The following CXCL13 variants were observed in gnomAD, a reference collection of about 807,000 sequenced individuals.
CXCL13 encodes C-X-C motif chemokine ligand 13.
A neutral mutation model predicts 12.2 loss-of-function variants in CXCL13; 7 were observed. That is an observed-to-expected ratio of 0.57 (90% CI 0.33 to 1.07). The LOEUF (loss-of-function observed/expected upper bound fraction) is 1.07, where lower values mean the gene tolerates loss of function less well. CXCL13 is among the 50% of genes least tolerant of loss of function. The pLI, the probability that CXCL13 is intolerant of heterozygous loss-of-function variation, is 0.04. For synonymous variants in CXCL13, 47 were observed against 42.4 expected (o/e 1.11, Z -0.42); for missense variants, 113 against 127.4 (o/e 0.89, Z 0.55).
chr4:77,589,034 C>T (rs977989236), intron 1 of CXCL13, among the ~76,000 whole-genome samples: 2 of 152,192 alleles, frequency 1.3e-5, no homozygotes, highest in African/African-American at 4.8e-5. Context: ...GCTTATAGAA[C>T]ATATACCTTT....
intron 1 of CXCL13, among the ~76,000 whole-genome samples, chr4:77,534,071 G>A (rs2109796663): frequency 6.6e-6 from 1 of 152,326 alleles, no homozygotes; most frequent in South Asian, 2.1e-4. Flanking sequence ...TCCCCAGTGA[G>A]ATGAACCTGG....
intron 1 of CXCL13, among the ~76,000 whole-genome samples, chr4:77,594,885 G>A (rs754986107): frequency 3.9e-5 from 6 of 151,970 alleles, no homozygotes; most frequent in Non-Finnish European, 7.4e-5. Flanking sequence ...AAACTTGCAC[G>A]TCCTGCACAT....
chr4:77,586,518 G>A (rs1364978109), intron 1 of CXCL13, among the ~76,000 whole-genome samples: 3 of 152,102 alleles, frequency 2.0e-5, no homozygotes, highest in African/African-American at 4.8e-5. Flanking sequence ...AGTATGCATC[G>A]ATGATTTAGA....
At chr4:77,527,209 T>C (rs1479633796) in intron 1 of CXCL13, among the ~76,000 whole-genome samples, 1 of 152,150 alleles carries the variant, frequency 6.6e-6, no homozygotes, top group East Asian at 1.9e-4. Flanking sequence ...TGTACACCGA[T>C]TGGAACAGCT....
intron 1 of CXCL13, among the ~76,000 whole-genome samples, chr4:77,590,310 T>A (rs1469203146): frequency 6.6e-6 from 1 of 152,158 alleles, no homozygotes; most frequent in Non-Finnish European, 1.5e-5. Context: ...GTCTTTCTCT[T>A]CCCAGCAGCG....
chr4:77,519,066 C>A (rs1724504511), intron 1 of CXCL13, among the ~76,000 whole-genome samples: 1 of 152,186 alleles, frequency 6.6e-6, no homozygotes, highest in African/African-American at 2.4e-5. Flanking sequence ...ACTCCAGATC[C>A]TGTTTGCCTG....
chr4:77,552,502 A>G (rs987853808), intron 1 of CXCL13, among the ~76,000 whole-genome samples: 5 of 152,222 alleles, frequency 3.3e-5, no homozygotes, highest in Admixed American at 2.6e-4. Flanking sequence ...TACTGAGAGA[A>G]GCTCTCTGTT....
rs768602347 is a variant in CXCL13 at position 77,594,860 on chromosome 4, GT to G, written c.-42-10961del. On this transcript the variant is annotated intron_variant, in intron 1 of 4. Coordinates refer to the CXCL13 transcript ENST00000286758. ...GGGGCAGCAAACCACCACAGCACCT[GT>G]TTACCTATGTAACAAACTTGCACGT... Among the ~76,000 whole-genome samples the G allele has an allele frequency of 1.4e-4, 21 of 152,198 alleles. No homozygotes were observed. In the East Asian group the frequency reaches 3.5e-3, roughly 25 times the overall value.
At chr4:77,588,588 G>A (rs1274783859) in intron 1 of CXCL13, among the ~76,000 whole-genome samples, 2 of 152,202 alleles carry the variant, frequency 1.3e-5, no homozygotes, top group African/African-American at 4.8e-5. Flanking sequence ...CTTGGCATGT[G>A]TATTTGTCAA....
chr4:77,520,870 A>C (rs192892621), intron 1 of CXCL13, among the ~76,000 whole-genome samples: 144 of 152,230 alleles, frequency 9.5e-4, no homozygotes, highest in African/African-American at 2.6e-3. Context: ...AATAGCTCTT[A>C]TTATTTTGAG....
intron 1 of CXCL13, among the ~76,000 whole-genome samples, chr4:77,526,109 T>C (rs1053849855): frequency 1.3e-5 from 2 of 150,944 alleles, no homozygotes; most frequent in Middle Eastern, 3.4e-3. Flanking sequence ...AGCAGAAAGA[T>C]GTTGTATTAA....
chr4:77,530,564 A>T (rs1047552272), intron 1 of CXCL13, among the ~76,000 whole-genome samples: 1 of 152,070 alleles, frequency 6.6e-6, no homozygotes, highest in African/African-American at 2.4e-5. Context: ...TATTTCATAG[A>T]GGTGTTTATA....
intron 1 of CXCL13, among the ~76,000 whole-genome samples, chr4:77,518,164 G>T (rs926813067): frequency 1.3e-5 from 2 of 152,134 alleles, no homozygotes; most frequent in African/African-American, 2.4e-5. Context: ...TGAGAGATCC[G>T]CTGTTAGTCT....
intron 1 of CXCL13, among the ~76,000 whole-genome samples, chr4:77,555,507 T>G (rs992519140): frequency 6.6e-6 from 1 of 152,002 alleles, no homozygotes; most frequent in South Asian, 2.1e-4. Context: ...TCACAGTAAA[T>G]GCAAGACTAA....
intron 1 of CXCL13, among the ~76,000 whole-genome samples, chr4:77,571,034 G>T (rs1200965958): frequency 1.3e-5 from 2 of 152,028 alleles, no homozygotes; most frequent in Non-Finnish European, 2.9e-5. Flanking sequence ...GCCACCCAAG[G>T]CCTGAGGAGT....
intron 1 of CXCL13, among the ~76,000 whole-genome samples, chr4:77,549,504 C>T (rs966820590): frequency 2.6e-5 from 4 of 152,146 alleles, no homozygotes; most frequent in African/African-American, 4.8e-5. Context: ...TGATGGTGAC[C>T]TACAGATGGG....
intron 1 of CXCL13, among the ~76,000 whole-genome samples, chr4:77,597,091 T>C (rs905577662): frequency 2.0e-5 from 3 of 152,336 alleles, no homozygotes; most frequent in Middle Eastern, 3.4e-3. Flanking sequence ...ATCTCACTTA[T>C]ATGTGAAATC....
intron 1 of CXCL13, among the ~76,000 whole-genome samples, chr4:77,538,628 A>C (rs1725124076): frequency 6.6e-6 from 1 of 152,112 alleles, no homozygotes; most frequent in Non-Finnish European, 1.5e-5. Context: ...GTTCACTCTG[A>C]CAAAGCCCAC....
At chr4:77,537,417 C>T (rs1339168337) in intron 1 of CXCL13, among the ~76,000 whole-genome samples, 1 of 152,156 alleles carries the variant, frequency 6.6e-6, no homozygotes, top group Admixed American at 6.5e-5. Context: ...TGTCAGAGCT[C>T]CCTATTGGGG....
Sources: gnomAD v4.1 joint callset for allele counts (sites outside exome capture counted in the v4.1 genomes callset) on GRCh38, gnomAD v4.1.1 for gene constraint, MANE v1.5 for transcripts, NCBI Gene and HGNC (gene_info 2026-07-23, HGNC 2026-07-21) for gene names.